B3GALT1: variants seen among roughly 807,000 people sequenced by gnomAD.
The protein encoded by B3GALT1 is UDP-Gal:betaGlcNAc beta 1,3-galactosyltransferase, polypeptide 1.
In B3GALT1, 10 loss-of-function variants were observed where a neutral mutation model predicts 23.2. The ratio of observed to expected loss-of-function variants is 0.43; its 90% CI spans 0.27 to 0.73. The LOEUF is 0.73. B3GALT1 is among the 30% of genes least tolerant of loss of function. B3GALT1 has a pLI of 0.21. For synonymous variants in B3GALT1, 156 were observed against 141.5 expected (o/e 1.10, Z -0.73); for missense variants, 299 against 405.4 (o/e 0.74, Z 2.25).
At chr2:167,483,829 CTTTT>C (rs1288737900) in intron 1 of B3GALT1, among the ~76,000 whole-genome samples, 2 of 152,204 alleles carry the variant, frequency 1.3e-5, no homozygotes, top group African/African-American at 4.8e-5. Context: ...ACCTGGTGTT[CTTTT>C]GGTTCATTAT....
chr2:167,443,218 T>A (rs1449051695), intron 1 of B3GALT1, among the ~76,000 whole-genome samples: 1 of 152,044 alleles, frequency 6.6e-6, no homozygotes, highest in Non-Finnish European at 1.5e-5. Flanking sequence ...GGCTCTGTTC[T>A]GTTCCATTGA....
intron 1 of B3GALT1, among the ~76,000 whole-genome samples, chr2:167,308,492 A>G (rs1243765925): frequency 6.6e-6 from 1 of 152,018 alleles, no homozygotes; most frequent in Non-Finnish European, 1.5e-5. Context: ...ATTTCAATAT[A>G]AAATTGAGAA....
chr2:167,795,987 G>T (rs536144249), intron 3 of B3GALT1, among the ~76,000 whole-genome samples: 59 of 152,306 alleles, frequency 3.9e-4, no homozygotes, highest in Admixed American at 3.1e-3. Flanking sequence ...TTTAATGTTT[G>T]TTCATGGCTT....
At chr2:167,672,607 G>T (rs1686351520) in intron 3 of B3GALT1, among the ~76,000 whole-genome samples, 1 of 152,106 alleles carries the variant, frequency 6.6e-6, no homozygotes. Flanking sequence ...TTAGACAAAA[G>T]TCTAATCCCC....
At chr2:167,396,505 C>T (rs939980772) in intron 1 of B3GALT1, among the ~76,000 whole-genome samples, 11 of 137,734 alleles carry the variant, frequency 8.0e-5, no homozygotes, top group Admixed American at 6.4e-4. Flanking sequence ...TTCTTTTAAT[C>T]AAAAGTCTGC....
chr2:167,627,176 G>GT (rs1330965679), intron 2 of B3GALT1, among the ~76,000 whole-genome samples: 2 of 151,566 alleles, frequency 1.3e-5, no homozygotes, highest in Admixed American at 6.6e-5. Flanking sequence ...GTGTGTGTCA[G>GT]TTTTTTTATA....
intron 2 of B3GALT1, among the ~76,000 whole-genome samples, chr2:167,616,922 A>G (rs1685171529): frequency 6.6e-6 from 1 of 152,132 alleles, no homozygotes; most frequent in South Asian, 2.1e-4. Flanking sequence ...TGTATTGCTT[A>G]AAGCTTTGAA....
At chr2:167,811,539 A>C (rs1688888647) in intron 3 of B3GALT1, among the ~76,000 whole-genome samples, 1 of 152,212 alleles carries the variant, frequency 6.6e-6, no homozygotes, top group African/African-American at 2.4e-5. Flanking sequence ...GTGCTCTTAT[A>C]CTAGGCCTAT....
At chr2:167,796,330 T>G (rs1019801284) in intron 3 of B3GALT1, among the ~76,000 whole-genome samples, 1 of 152,222 alleles carries the variant, frequency 6.6e-6, no homozygotes, top group Non-Finnish European at 1.5e-5. Context: ...TTATGTGCCT[T>G]ATGATTATCT....
intron 1 of B3GALT1, among the ~76,000 whole-genome samples, chr2:167,443,442 T>C (rs1047447720): frequency 6.6e-6 from 1 of 152,218 alleles, no homozygotes; most frequent in Admixed American, 6.5e-5. Flanking sequence ...GGGAATGGCA[T>C]TGAATCTATA....
At chr2:167,342,644 G>A (rs557473417) in intron 1 of B3GALT1, among the ~76,000 whole-genome samples, 1 of 151,394 alleles carries the variant, frequency 6.6e-6, no homozygotes, top group African/African-American at 2.4e-5. Context: ...TGCTGGAAAT[G>A]AGTGCATGCC....
At chr2:167,610,279 C>T (rs1685036981) in intron 2 of B3GALT1, among the ~76,000 whole-genome samples, 1 of 152,028 alleles carries the variant, frequency 6.6e-6, no homozygotes, top group South Asian at 2.1e-4. Context: ...AGGCAGAGCA[C>T]AGCTAATGAG....
chr2:167,378,014 G>C (rs1697791589), intron 1 of B3GALT1, among the ~76,000 whole-genome samples: 1 of 152,174 alleles, frequency 6.6e-6, no homozygotes, highest in Non-Finnish European at 1.5e-5. Context: ...AGGCCAGTAT[G>C]TTGGTAATAA....
At chr2:167,642,961 T>G (rs1685682353) in intron 2 of B3GALT1, among the ~76,000 whole-genome samples, 1 of 152,218 alleles carries the variant, frequency 6.6e-6, no homozygotes, top group African/African-American at 2.4e-5. Flanking sequence ...GGACTCATCC[T>G]GCATTATTTC....
intron 1 of B3GALT1, among the ~76,000 whole-genome samples, chr2:167,454,294 T>C (rs1178677318): frequency 6.6e-6 from 1 of 152,192 alleles, no homozygotes; most frequent in Non-Finnish European, 1.5e-5. Flanking sequence ...GCGAATAGGA[T>C]GTCAGCTTGG....
intron 4 of B3GALT1, among the ~76,000 whole-genome samples, chr2:167,828,530 C>T (rs1321796412): frequency 6.6e-6 from 1 of 152,158 alleles, no homozygotes; most frequent in African/African-American, 2.4e-5. Flanking sequence ...CTCCTATATT[C>T]CCAACAGGCA....
chr2:167,753,374 C>T (rs575778636), intron 3 of B3GALT1, among the ~76,000 whole-genome samples: 2 of 152,176 alleles, frequency 1.3e-5, no homozygotes, highest in African/African-American at 4.8e-5. Flanking sequence ...CCCTGACCAG[C>T]AGGTGAAACC....
chr2:167,759,470 C>T (rs145489885), intron 3 of B3GALT1, among the ~76,000 whole-genome samples: 19 of 152,266 alleles, frequency 1.2e-4, no homozygotes, highest in African/African-American at 4.1e-4. Context: ...TAGCACAGTG[C>T]CTGGAGCACA....
At chr2:167,530,927 G>C (rs553677958) in intron 2 of B3GALT1, among the ~76,000 whole-genome samples, 2 of 152,266 alleles carry the variant, frequency 1.3e-5, no homozygotes, top group African/African-American at 4.8e-5. Context: ...TTCAGTACAA[G>C]GGTACATAAT....
Sources: allele counts gnomAD v4.1 joint callset (sites outside exome capture counted in the v4.1 genomes callset), GRCh38; gene constraint gnomAD v4.1.1; transcripts MANE v1.5; gene names NCBI Gene and HGNC (gene_info 2026-07-23, HGNC 2026-07-21).